The following ALMS1 variants were observed in gnomAD, a reference collection of about 807,000 sequenced individuals.
ALMS1 encodes the protein ALMS1 centrosome and basal body associated protein.
In ALMS1, 271 loss-of-function variants were observed where a neutral mutation model predicts 352.2. That is an observed-to-expected ratio of 0.77 (90% CI 0.70 to 0.85). The LOEUF (loss-of-function observed/expected upper bound fraction) is 0.85. Ranked by LOEUF, ALMS1 falls within the 40% of genes least tolerant of loss-of-function variation. The pLI, the probability that ALMS1 is intolerant of heterozygous loss-of-function variation, is 0.00. For synonymous variants in ALMS1, 1,865 were observed against 1,761.2 expected (o/e 1.06, Z -1.48); for missense variants, 5,445 against 4,870.7 (o/e 1.12, Z -3.51).
In ALMS1 at chr2:73,601,364, G is replaced by C. The variant is rs1320090019; in HGVS notation, c.12042G>C (p.Arg4014=). Reference sequence around the variant, plus strand: ...GTCAGGGGCAGCACCTGGACGGTCGGGGCTACCTGGCAGGCCCAGGCAGAG... The same window carrying C: ...GTCAGGGGCAGCACCTGGACGGTCGCGGCTACCTGGCAGGCCCAGGCAGAG... ...QNCQGQHLDG[R]GYLAGPGREA... Residue 4014 remains arginine (R), a synonymous_variant, in exon 19 of 23, where the codon CGG becomes CGC. Coordinates refer to ENST00000613296, the MANE Select transcript of ALMS1 (RefSeq NM_001378454.1). The C allele has an allele frequency of 6.2e-7, 1 of 1,614,146 alleles. No homozygotes were observed. Among genetic ancestry groups the C allele is most frequent in the South Asian group, 1.1e-5 (1 of 91,084 alleles).
chr2:73,424,993 C>A, intron 5 of ALMS1, 91 bp downstream of exon 5: 8 of 1,103,298 alleles, frequency 7.3e-6, no homozygotes, highest in Non-Finnish European at 9.0e-6. Flanking sequence ...GTCCCCTTTT[C>A]CTATGTGCCA....
At position 73,422,005 on chromosome 2, in the gene ALMS1, T is replaced by C. The variant is rs1322003450; in HGVS notation, c.647-852T>C. Among the ~76,000 whole-genome samples the C allele has an allele frequency of 5.3e-5, 8 of 152,184 alleles. No individual in the cohort carries two copies. In the South Asian group the frequency reaches 1.0e-3, roughly 20 times the overall value. ...AAACTTTTTGGGTAACAGGATTCTT[T>C]TACACTTTTAAAAATTACTGACAAC... is the stretch of plus-strand genomic sequence containing the variant. On this transcript the variant is annotated intron_variant, in intron 3 of 22. Coordinates refer to ENST00000613296, the MANE Select transcript of ALMS1 (RefSeq NM_001378454.1).
At chr2:73,563,059 G>T (rs552389083) in intron 15 of ALMS1, among the ~76,000 whole-genome samples, 1 of 150,774 alleles carries the variant, frequency 6.6e-6, no homozygotes, top group Non-Finnish European at 1.5e-5. Context: ...AGCAAAGCAT[G>T]CAAGTCTATA....
chr2:73,588,525 C>T (rs1186635723), intron 16 of ALMS1, among the ~76,000 whole-genome samples: 1 of 152,008 alleles, frequency 6.6e-6, no homozygotes, highest in Non-Finnish European at 1.5e-5. Flanking sequence ...CACTCTTTTT[C>T]TTTCCTGTCT....
rs745476451 is a variant in ALMS1, at chr2:73,602,249, A to C, written c.12179A>C (p.Lys4060Thr). The C allele has an allele frequency of 6.2e-7, 1 of 1,614,162 alleles. No individual in the cohort carries two copies. The highest frequency in any genetic ancestry group is 8.5e-7 in the Non-Finnish European group (1 of 1,180,010). Residue 4060 changes from lysine to threonine, a missense_variant, in exon 20 of 23, where the codon AAG (lysine) becomes ACG (threonine). Physicochemically the swap from Lys to Thr is moderately conservative, Grantham distance 78. Coordinates refer to ENST00000613296, the MANE Select transcript of ALMS1 (RefSeq NM_001378454.1). ...SRSGERIKRL[K>T]LIVQERKLQS... ...TCTGGGGAGCGGATAAAGCGCCTGAAGTTAATAGTCCAGGAGAGGAAGCTG... is the reference window on the plus strand; with the variant it reads ...TCTGGGGAGCGGATAAAGCGCCTGACGTTAATAGTCCAGGAGAGGAAGCTG...
At chr2:73,406,535 A>T (rs1265537542) in intron 1 of ALMS1, among the ~76,000 whole-genome samples, 1 of 140,790 alleles carries the variant, frequency 7.1e-6, no homozygotes, top group Non-Finnish European at 1.5e-5. Flanking sequence ...TTTGGTAGGG[A>T]TATATTTTGA....
At position 73,453,675 on chromosome 2, in the gene ALMS1, CA is replaced by C; in HGVS notation, c.7149del (p.Ala2384ProfsTer4). On this transcript the variant is annotated frameshift_variant, in exon 8 of 23. Transcript: ENST00000613296. LOFTEE classifies it high-confidence loss of function. ...ALEETLRQYQAAKSVMRSEPE... is the reference protein window; with the variant it reads ...ALEETLRQYQXAKSVMRSEPE... The stretch of plus-strand genomic sequence containing the variant: ...GAAGAAACTCTTAGGCAATATCAAG[CA>C]GCCAAATCTGTAATGAGGTCTGAAC... 2 of 1,614,082 alleles carry C rather than the reference CA, an allele frequency of 1.2e-6. No homozygotes were observed. Among genetic ancestry groups the C allele is most frequent in the Non-Finnish European group, 1.7e-6 (2 of 1,180,008 alleles).
chr2:73,588,386 C>A (rs1675353639), intron 16 of ALMS1, among the ~76,000 whole-genome samples: 1 of 152,046 alleles, frequency 6.6e-6, no homozygotes, highest in Non-Finnish European at 1.5e-5. Flanking sequence ...ATGCCCCACC[C>A]TCGTTCTCTC....
intron 10 of ALMS1, among the ~76,000 whole-genome samples, chr2:73,517,681 G>A (rs1183631325): frequency 6.6e-6 from 1 of 150,866 alleles, no homozygotes; most frequent in East Asian, 1.9e-4. Context: ...TTTGAAGACA[G>A]AGTTTTGCTC....
chr2:73,551,032 G>GT (rs148953170), intron 13 of ALMS1, among the ~76,000 whole-genome samples: 5,238 of 151,840 alleles, frequency 0.034, 317 homozygotes, highest in African/African-American at 0.12. Flanking sequence ...GTGATGGGGG[G>GT]TTTTTTGTAG....
intron 9 of ALMS1, among the ~76,000 whole-genome samples, chr2:73,486,537 T>G (rs1201448560): frequency 6.6e-6 from 1 of 152,246 alleles, no homozygotes; most frequent in African/African-American, 2.4e-5. Context: ...TAGGGTTTTT[T>G]GTCTGTGTCC....
At position 73,601,395 on chromosome 2, in the gene ALMS1, G is replaced by A; in HGVS notation, c.12073G>A (p.Gly4025Ser). ...CCTGGCAGGCCCAGGCAGAGAGGCT[G>A]GCAGAGACCTACTGAGGCCATTTGT... ...GYLAGPGREAGRDLLRPFVRA... is the reference protein window; with the variant it reads ...GYLAGPGREASRDLLRPFVRA... The change falls in exon 19 of 23, where the codon GGC becomes AGC. Residue 4025 changes from glycine (G) to serine (S), a missense_variant. Gly to Ser is a moderately conservative substitution (Grantham distance 56). Coordinates refer to ENST00000613296, the MANE Select transcript of ALMS1 (RefSeq NM_001378454.1). 1 of 1,614,068 alleles carries A rather than the reference G, an allele frequency of 6.2e-7. No homozygotes were observed. Among genetic ancestry groups the A allele is most frequent in the Non-Finnish European group, 8.5e-7 (1 of 1,179,926 alleles).
At chr2:73,485,347 G>C (rs555994287) in intron 9 of ALMS1, among the ~76,000 whole-genome samples, 1 of 152,188 alleles carries the variant, frequency 6.6e-6, no homozygotes, top group Non-Finnish European at 1.5e-5. Context: ...TGAGGTGTCA[G>C]TGTGCCCCTG....
intron 12 of ALMS1, among the ~76,000 whole-genome samples, chr2:73,544,000 C>G (rs1326106606): frequency 6.6e-6 from 1 of 152,118 alleles, no homozygotes; most frequent in Non-Finnish European, 1.5e-5. Flanking sequence ...TTTGACCCAG[C>G]CATTCCATTA....
intron 15 of ALMS1, among the ~76,000 whole-genome samples, chr2:73,571,054 C>G (rs982887250): frequency 2.0e-5 from 3 of 152,144 alleles, no homozygotes; most frequent in African/African-American, 7.2e-5. Context: ...TCTCAAGAAC[C>G]TGTAGAATCT....
chr2:73,490,294 A>T lies in ALMS1; in HGVS notation c.8335A>T (p.Asn2779Tyr). 6.2e-7 allele frequency: 1 copy of T among 1,613,102 alleles called. No homozygotes were observed. The highest frequency in any genetic ancestry group is 8.5e-7 in the Non-Finnish European group (1 of 1,179,632). Residue 2779 changes from asparagine to tyrosine, a missense_variant, in exon 10 of 23, where the codon AAT becomes TAT. Transcript: ENST00000613296. ...SSPSSFKMHS[N>Y]SQDKEVTILA... ...CCCTTCATCATTTAAAATGCATAGT[A>T]ATTCACAAGATAAAGAAGTGACTAT...
At position 73,519,912 on chromosome 2, in the gene ALMS1, G is replaced by A. The variant is rs1673640308; in HGVS notation, c.9677G>A (p.Gly3226Glu). Reference sequence around the variant, plus strand: ...ATTTTTATTAATGCTGAAGATCGTGGACATGAAATTATAGAGCCTGGTAAC... The same window carrying A: ...ATTTTTATTAATGCTGAAGATCGTGAACATGAAATTATAGAGCCTGGTAAC... ...SEIFINAEDR[G>E]HEIIEPGNQK... Residue 3226 changes from glycine to glutamate, a missense_variant, in exon 11 of 23, where the codon GGA becomes GAA. Transcript: ENST00000613296. The A allele has an allele frequency of 6.2e-7, 1 of 1,614,086 alleles. No homozygotes were observed. Among genetic ancestry groups the A allele is most frequent in the Non-Finnish European group, 8.5e-7 (1 of 1,179,986 alleles).
At chr2:73,397,109 C>CT (rs1670780036) in intron 1 of ALMS1, among the ~76,000 whole-genome samples, 2 of 152,170 alleles carry the variant, frequency 1.3e-5, no homozygotes, top group Admixed American at 6.5e-5. Flanking sequence ...GGAGATAAAA[C>CT]TTACAGAAGC....
At chr2:73,431,970 A>G (rs968045249) in intron 6 of ALMS1, among the ~76,000 whole-genome samples, 1 of 152,168 alleles carries the variant, frequency 6.6e-6, no homozygotes, top group African/African-American at 2.4e-5. Flanking sequence ...TCTAGAGTTG[A>G]CCCAATAAAA....
Sources: allele counts gnomAD v4.1 joint callset (sites outside exome capture counted in the v4.1 genomes callset), GRCh38; gene constraint gnomAD v4.1.1; transcripts MANE v1.5; gene names NCBI Gene and HGNC (gene_info 2026-07-23, HGNC 2026-07-21).